Variants in CEMIP observed in about 807,000 individuals in gnomAD.
The protein encoded by CEMIP is cell migration-inducing and hyaluronan-binding protein.
A neutral mutation model predicts 156.9 loss-of-function variants in CEMIP; 105 were observed. That is an observed-to-expected ratio of 0.67 (90% CI 0.57 to 0.79). The LOEUF (loss-of-function observed/expected upper bound fraction) is 0.79. Ranked by LOEUF, CEMIP falls within the 30% of genes least tolerant of loss-of-function variation. CEMIP has a pLI of 0.00. For missense variants in CEMIP, 1,457 were observed against 1,769.4 expected (o/e 0.82, Z 3.17); for synonymous variants, 676 against 668.4 (o/e 1.01, Z -0.17).
intron 14 of CEMIP, among the ~76,000 whole-genome samples, chr15:80,919,747 G>A (rs1171624415): frequency 2.0e-5 from 3 of 151,778 alleles, no homozygotes; most frequent in Admixed American, 6.6e-5. Flanking sequence ...CCCTGGAGGC[G>A]GAGGTTGCAG....
At chr15:80,839,859 C>T (rs531040293) in intron 1 of CEMIP, among the ~76,000 whole-genome samples, 138 of 152,322 alleles carry the variant, frequency 9.1e-4, no homozygotes, top group African/African-American at 3.2e-3. Flanking sequence ...GTGCTAGACA[C>T]GCCACACACA....
At chr15:80,866,530 G>T (rs1898130226) in intron 1 of CEMIP, among the ~76,000 whole-genome samples, 1 of 151,956 alleles carries the variant, frequency 6.6e-6, no homozygotes, top group Non-Finnish European at 1.5e-5. Flanking sequence ...GGCAGAGGTT[G>T]CAGTGAGCTG....
At chr15:80,895,248 C>A in intron 11 of CEMIP, 126 bp downstream of exon 11, 2 of 1,280,926 alleles carry the variant, frequency 1.6e-6, no homozygotes, top group Non-Finnish European at 2.2e-6. Context: ...TTTTGTGACA[C>A]GGGAGCAGTG....
At chr15:80,933,170 C>T in intron 22 of CEMIP, 75 bp from the exon 23 acceptor site, 2 of 1,336,786 alleles carry the variant, frequency 1.5e-6, no homozygotes, top group South Asian at 1.2e-5. Flanking sequence ...AATCGGAAAC[C>T]TCGCCCTGGC....
At chr15:80,922,209 C>T in intron 17 of CEMIP, 72 bp downstream of exon 17, 1 of 1,587,490 alleles carries the variant, frequency 6.3e-7, no homozygotes, top group South Asian at 1.1e-5. Context: ...ATGATTAGAG[C>T]CGGGACAGCC....
In CEMIP at chr15:80,932,911, C is replaced by G. The variant is rs1250649382; in HGVS notation, c.2794-334C>G. 6.6e-6 allele frequency among the ~76,000 whole-genome samples: 1 copy of G among 152,206 alleles called. No homozygotes were observed. Among genetic ancestry groups the G allele is most frequent in the Non-Finnish European group, 1.5e-5 (1 of 68,044 alleles). On this transcript the variant is annotated intron_variant, in intron 22 of 29. Coordinates refer to ENST00000394685, the MANE Select transcript of CEMIP (RefSeq NM_001293298.2). The surrounding 1 kb of genome is among the most constrained non-coding windows in gnomAD (Gnocchi z 4.5). ...CCCACCTCCCTCTCACACACAGTCA[C>G]ACTCACAGTCCTCAGTCCCCCTCCT...
intron 1 of CEMIP, among the ~76,000 whole-genome samples, chr15:80,791,556 C>T (rs771747073): frequency 6.6e-6 from 1 of 152,022 alleles, no homozygotes; most frequent in Non-Finnish European, 1.5e-5. Context: ...GGTTTCTTCC[C>T]GCTGCAAGTA....
At chr15:80,923,652 C>T (rs891288017) in intron 17 of CEMIP, among the ~76,000 whole-genome samples, 2 of 152,036 alleles carry the variant, frequency 1.3e-5, no homozygotes, top group Non-Finnish European at 2.9e-5. Flanking sequence ...TGGATGGATT[C>T]GATTGTCTAA....
rs1899954138 is a variant in CEMIP at position 80,909,376 on chromosome 15, G to A, written c.1797+70G>A. The A allele has an allele frequency of 2.7e-6, 4 of 1,477,146 alleles. No homozygotes were observed. In the East Asian group the frequency reaches 6.8e-5, roughly 25 times the overall value. 91.5% of individuals were successfully genotyped at this position (1,477,146 alleles called of 1,614,324 possible). On this transcript the variant is annotated intron_variant, in intron 14 of 29. Coordinates refer to ENST00000394685, the MANE Select transcript of CEMIP (RefSeq NM_001293298.2). ...ATGGTTAGCACTGGAGGGGTGTTTG[G>A]ATGTAGACACTTAATCCAGGGCCTT... is the stretch of plus-strand genomic sequence containing the variant.
chr15:80,830,650 A>C (rs1029372286), intron 1 of CEMIP, among the ~76,000 whole-genome samples: 1 of 151,880 alleles, frequency 6.6e-6, no homozygotes, highest in African/African-American at 2.4e-5. Context: ...CCTGCATTTT[A>C]TTTCTTTCAT....
chr15:80,806,298 G>T (rs1466202505), intron 1 of CEMIP, among the ~76,000 whole-genome samples: 1 of 151,574 alleles, frequency 6.6e-6, no homozygotes, highest in Non-Finnish European at 1.5e-5. Flanking sequence ...TTGAAATTGT[G>T]TGCAGCACTT....
Position 80,921,882 on chromosome 15 carries a change from C to T in CEMIP, c.2074-127C>T, listed in dbSNP as rs113106348. On this transcript the variant is annotated intron_variant, in intron 16 of 29. Coordinates refer to ENST00000394685, the MANE Select transcript of CEMIP (RefSeq NM_001293298.2). ...ATGGAGGTGTGTTGGGGGTGGGCACCGAGGGCTCCTGTGGGTGACGGCAGT... is the reference window on the plus strand; with the variant it reads ...ATGGAGGTGTGTTGGGGGTGGGCACTGAGGGCTCCTGTGGGTGACGGCAGT... 1.4e-3 allele frequency: 1,654 copies of T among 1,218,460 alleles called. 14 individuals carry two copies. In the African/African-American group the frequency reaches 0.02, roughly 15 times the overall value. 75.5% of individuals were successfully genotyped at this position (1,218,460 alleles called of 1,614,324 possible).
At chr15:80,865,274 C>T (rs1312452917) in intron 1 of CEMIP, among the ~76,000 whole-genome samples, 1 of 152,078 alleles carries the variant, frequency 6.6e-6, no homozygotes, top group Non-Finnish European at 1.5e-5. Context: ...CTTTGCCTCC[C>T]GGGTTCAAGC....
chr15:80,832,523 TGAATTAGATCG>T (rs1897179792), intron 1 of CEMIP, among the ~76,000 whole-genome samples: 1 of 152,144 alleles, frequency 6.6e-6, no homozygotes, highest in Admixed American at 6.5e-5. Flanking sequence ...GTTGTGCATT[TGAATTAGATCG>T]GAATGAGTTT....
At chr15:80,874,983 A>G (rs1284237216) in intron 3 of CEMIP, among the ~76,000 whole-genome samples, 1 of 147,868 alleles carries the variant, frequency 6.8e-6, no homozygotes, top group Non-Finnish European at 1.5e-5. Flanking sequence ...TGATTTTTTG[A>G]AGAATCTTTC....
intron 1 of CEMIP, among the ~76,000 whole-genome samples, chr15:80,808,104 C>G (rs1215055111): frequency 1.3e-5 from 2 of 152,162 alleles, no homozygotes; most frequent in Admixed American, 1.3e-4. Flanking sequence ...TCTTAGTAAC[C>G]CTTTGAAGTC....
intron 1 of CEMIP, among the ~76,000 whole-genome samples, chr15:80,847,897 G>C (rs1425244446): frequency 6.6e-6 from 1 of 152,164 alleles, no homozygotes; most frequent in African/African-American, 2.4e-5. Context: ...CCGTGGAGAT[G>C]CTCGACTCTT....
chr15:80,787,055 T>C (rs537231691), intron 1 of CEMIP, among the ~76,000 whole-genome samples: 1 of 152,112 alleles, frequency 6.6e-6, no homozygotes. Context: ...AGGCGCAGGG[T>C]TGCGGGTGGT....
rs139827575 is a variant in CEMIP at position 80,949,022 on chromosome 15, C to T, written c.*98C>T. ...GGCTGGGTCCCCCAGCCCCTGCCAGCAGCTGCCTGGGAAGGCCGTGTTTCA... is the reference window on the plus strand; with the variant it reads ...GGCTGGGTCCCCCAGCCCCTGCCAGTAGCTGCCTGGGAAGGCCGTGTTTCA... On this transcript the variant is annotated 3_prime_UTR_variant, in exon 30 of 30. Coordinates refer to ENST00000394685, the MANE Select transcript of CEMIP (RefSeq NM_001293298.2). 2.3e-4 allele frequency: 348 copies of T among 1,524,878 alleles called. 1 individual carries two copies. In the African/African-American group the frequency reaches 4.3e-3, roughly 19 times the overall value. The allele number at this position is 1,524,878 out of a possible 1,614,324, so 94.5% of individuals were successfully genotyped here.
Sources: gnomAD v4.1 joint callset for allele counts (sites outside exome capture counted in the v4.1 genomes callset) on GRCh38, gnomAD v4.1.1 for gene constraint, Gnocchi (gnomAD v3.1) non-coding constraint, MANE v1.5 for transcripts, NCBI Gene and HGNC (gene_info 2026-07-23, HGNC 2026-07-21) for gene names.